The following PAX5 variants were observed in gnomAD, a reference collection of about 807,000 sequenced individuals.
PAX5 encodes paired box 5.
In PAX5, 9 loss-of-function variants were observed where a neutral mutation model predicts 43.7. That is an observed-to-expected ratio of 0.21 (90% CI 0.12 to 0.36). The LOEUF (loss-of-function observed/expected upper bound fraction) is 0.36, where lower values mean the gene tolerates loss of function less well. PAX5 is among the 10% of genes least tolerant of loss of function. The pLI, the probability that PAX5 is intolerant of heterozygous loss-of-function variation, is 1.00. For missense variants in PAX5, 383 were observed against 532.7 expected (o/e 0.72, Z 2.77); for synonymous variants, 228 against 214.3 (o/e 1.06, Z -0.56).
rs1335946590 is a variant in PAX5 at position 36,837,859 on chromosome 9, G to A, written c.*2701C>T. The A allele has an allele frequency of 8.6e-6, 2 of 233,396 alleles. No homozygotes were observed. The highest frequency in any genetic ancestry group is 4.4e-5 in the African/African-American group (2 of 45,354). The allele number at this position is 233,396 out of a possible 1,614,324, so 14.5% of individuals were successfully genotyped here. ...CTGTGAGCCAGGTGGGCTTTGCCGA[G>A]GAAGGATGCTGCATGCCTCAGGCAG... On this transcript the variant is annotated 3_prime_UTR_variant, in exon 10 of 10. Transcript: ENST00000358127.
intron 9 of PAX5, among the ~76,000 whole-genome samples, chr9:36,845,352 G>C (rs1822464986): frequency 6.6e-6 from 1 of 152,132 alleles, no homozygotes; most frequent in Admixed American, 6.5e-5. Context: ...CATGCCTCCT[G>C]TTTCCTAAGA....
intron 8 of PAX5, among the ~76,000 whole-genome samples, chr9:36,880,345 C>G (rs1205652460): frequency 6.6e-6 from 1 of 152,234 alleles, no homozygotes; most frequent in African/African-American, 2.4e-5. Flanking sequence ...GATGCACACA[C>G]CAGTGACATG....
chr9:36,849,771 T>TG (rs898982873), intron 8 of PAX5, among the ~76,000 whole-genome samples: 3 of 152,158 alleles, frequency 2.0e-5, no homozygotes, highest in African/African-American at 7.2e-5. Flanking sequence ...GGTAGTGTGG[T>TG]GGGCACCCCC....
intron 7 of PAX5, among the ~76,000 whole-genome samples, chr9:36,894,276 C>T (rs1827666960): frequency 6.6e-6 from 1 of 152,176 alleles, no homozygotes; most frequent in South Asian, 2.1e-4. Context: ...TCTTGCCCAC[C>T]CTGGGTAGGA....
chr9:36,977,815 G>T (rs1395398967), intron 5 of PAX5, among the ~76,000 whole-genome samples: 2 of 152,228 alleles, frequency 1.3e-5, no homozygotes, highest in Non-Finnish European at 2.9e-5. Flanking sequence ...CTTAAGGATG[G>T]AGTTAGCCAA....
intron 5 of PAX5, among the ~76,000 whole-genome samples, chr9:36,993,672 G>C (rs1564053581): frequency 6.6e-6 from 1 of 152,240 alleles, no homozygotes; most frequent in Non-Finnish European, 1.5e-5. Flanking sequence ...AGGACTGTGG[G>C]ATTCTCTTCC....
chr9:37,001,805 T>G (rs561548797), intron 5 of PAX5, among the ~76,000 whole-genome samples: 1 of 135,750 alleles, frequency 7.4e-6, no homozygotes, highest in South Asian at 2.5e-4. Flanking sequence ...AGACCACAGC[T>G]CTGGCTTTTT....
At chr9:36,968,120 C>A (rs1387517122) in intron 5 of PAX5, among the ~76,000 whole-genome samples, 1 of 152,186 alleles carries the variant, frequency 6.6e-6, no homozygotes, top group Non-Finnish European at 1.5e-5. Context: ...GAAACCCAGG[C>A]CCAGAGGTGA....
At chr9:36,946,987 G>A (rs925778325) in intron 6 of PAX5, among the ~76,000 whole-genome samples, 1 of 152,186 alleles carries the variant, frequency 6.6e-6, no homozygotes, top group Non-Finnish European at 1.5e-5. Context: ...CAGAAGCCCA[G>A]AAAAAGGATA....
At chr9:36,888,105 A>G (rs4590518) in intron 7 of PAX5, among the ~76,000 whole-genome samples, 125,747 of 151,992 alleles carry the variant, frequency 0.83, 52,944 homozygotes, top group Non-Finnish European at 0.91. Flanking sequence ...GGAAGGTCAC[A>G]GTCAAAAAGA....
chr9:36,919,839 CAAAAAA>C (rs61173333), intron 7 of PAX5, among the ~76,000 whole-genome samples: 2 of 66,210 alleles, frequency 3.0e-5, no homozygotes, highest in Non-Finnish European at 5.5e-5. Context: ...GACTCTGTCT[CAAAAAA>C]AAAAAAAAAA....
At chr9:36,912,776 C>T (rs1289821788) in intron 7 of PAX5, among the ~76,000 whole-genome samples, 1 of 152,236 alleles carries the variant, frequency 6.6e-6, no homozygotes, top group African/African-American at 2.4e-5. Context: ...CTCCAAGCCT[C>T]CTTCTCCACA....
At chr9:37,018,297 G>A (rs922089605) in intron 2 of PAX5, among the ~76,000 whole-genome samples, 3 of 152,144 alleles carry the variant, frequency 2.0e-5, no homozygotes. Context: ...CCAGGCTCCA[G>A]TGAAAAAAGA....
At chr9:36,984,338 A>G (rs1441137305) in intron 5 of PAX5, among the ~76,000 whole-genome samples, 3 of 151,622 alleles carry the variant, frequency 2.0e-5, no homozygotes. Context: ...CTAGTAGAGC[A>G]GTTATATGCA....
At chr9:36,980,650 G>A (rs1037619218) in intron 5 of PAX5, among the ~76,000 whole-genome samples, 1 of 152,174 alleles carries the variant, frequency 6.6e-6, no homozygotes, top group African/African-American at 2.4e-5. Flanking sequence ...TGGCCACAGT[G>A]TAGAGACCCT....
At chr9:37,006,937 A>G (rs891015570) in intron 3 of PAX5, among the ~76,000 whole-genome samples, 46 of 152,080 alleles carry the variant, frequency 3.0e-4, no homozygotes, top group African/African-American at 1.1e-3. Context: ...TCAGCCTCCT[A>G]TATGTGGAAT....
intron 2 of PAX5, among the ~76,000 whole-genome samples, chr9:37,019,067 G>T (rs1465957705): frequency 6.6e-6 from 1 of 152,116 alleles, no homozygotes; most frequent in African/African-American, 2.4e-5. Context: ...TCCACAAAAA[G>T]ATATCTAGGA....
chr9:36,996,206 T>C (rs1156908907), intron 5 of PAX5, among the ~76,000 whole-genome samples: 1 of 152,278 alleles, frequency 6.6e-6, no homozygotes, highest in African/African-American at 2.4e-5. Flanking sequence ...CCTCACGTCC[T>C]CAAACATAGG....
chr9:36,927,691 G>A (rs1409850504), intron 6 of PAX5, among the ~76,000 whole-genome samples: 2 of 150,308 alleles, frequency 1.3e-5, no homozygotes, highest in Admixed American at 1.3e-4. Flanking sequence ...TTCACCATCT[G>A]TGCCTTTCCT....
Sources: allele counts gnomAD v4.1 joint callset (sites outside exome capture counted in the v4.1 genomes callset), GRCh38; gene constraint gnomAD v4.1.1; transcripts MANE v1.5; gene names NCBI Gene and HGNC (gene_info 2026-07-23, HGNC 2026-07-21).